Variants in BTBD9 observed in about 807,000 individuals in gnomAD.
BTBD9 encodes the protein BTB domain containing 9.
A neutral mutation model predicts 64.3 loss-of-function variants in BTBD9; 49 were observed. That is an observed-to-expected ratio of 0.76 (90% CI 0.61 to 0.97). The LOEUF is 0.97. Ranked by LOEUF, BTBD9 falls within the 50% of genes least tolerant of loss-of-function variation. The pLI, the probability that BTBD9 is intolerant of heterozygous loss-of-function variation, is 0.00. For synonymous variants in BTBD9, 260 were observed against 274.7 expected (o/e 0.95, Z 0.53); for missense variants, 598 against 762.1 (o/e 0.78, Z 2.53).
intron 1 of BTBD9, among the ~76,000 whole-genome samples, chr6:38,630,257 T>C (rs916160496): frequency 6.6e-6 from 1 of 151,198 alleles, no homozygotes; most frequent in African/African-American, 2.4e-5. Flanking sequence ...ATGCACCACA[T>C]GGCTGGTTTT....
chr6:38,420,500 A>T, intron 6 of BTBD9, among the ~76,000 whole-genome samples: 1 of 152,210 alleles, frequency 6.6e-6, no homozygotes, highest in Non-Finnish European at 1.5e-5. Context: ...AAATAATGGA[A>T]TATCATGCAG....
chr6:38,442,604 T>C (rs1769085060), intron 6 of BTBD9, among the ~76,000 whole-genome samples: 1 of 151,348 alleles, frequency 6.6e-6, no homozygotes, highest in African/African-American at 2.4e-5. Flanking sequence ...TAACAACAGA[T>C]GTCCCTCCTG....
chr6:38,408,685 G>C (rs935206121), intron 6 of BTBD9, among the ~76,000 whole-genome samples: 7 of 152,086 alleles, frequency 4.6e-5, no homozygotes, highest in Non-Finnish European at 8.8e-5. Context: ...TTGCTGTGTA[G>C]AATCAACAAA....
At chr6:38,621,888 C>T (rs1432357682) in intron 1 of BTBD9, among the ~76,000 whole-genome samples, 1 of 152,182 alleles carries the variant, frequency 6.6e-6, no homozygotes, top group Admixed American at 6.5e-5. Flanking sequence ...TATGGAAGGA[C>T]CCTTGGTATG....
At chr6:38,361,494 G>T (rs1224268271) in intron 6 of BTBD9, among the ~76,000 whole-genome samples, 1 of 152,038 alleles carries the variant, frequency 6.6e-6, no homozygotes, top group Non-Finnish European at 1.5e-5. Flanking sequence ...AGAGAGCTGT[G>T]ATCATGCCAC....
intron 1 of BTBD9, among the ~76,000 whole-genome samples, chr6:38,624,413 G>C (rs1781712): frequency 0.67 from 102,138 of 151,934 alleles, 35,015 homozygotes; most frequent in African/African-American, 0.82. Context: ...TAACACTCAC[G>C]GCGAAGGTCC....
chr6:38,299,595 C>T (rs1203727904), intron 7 of BTBD9, among the ~76,000 whole-genome samples: 1 of 152,200 alleles, frequency 6.6e-6, no homozygotes, highest in Admixed American at 6.5e-5. Flanking sequence ...ATTTGCATTT[C>T]TCTGATGGCC....
intron 7 of BTBD9, among the ~76,000 whole-genome samples, chr6:38,317,052 AT>A (rs1292490866): frequency 5.3e-5 from 8 of 151,812 alleles, no homozygotes; most frequent in African/African-American, 1.7e-4. Flanking sequence ...CTGGAGTGCA[AT>A]GGTGTGATCT....
intron 6 of BTBD9, among the ~76,000 whole-genome samples, chr6:38,374,269 GA>G (rs67469757): frequency 0.39 from 18,639 of 47,890 alleles, 4,519 homozygotes; most frequent in East Asian, 0.88. Context: ...GCCTTGTGTC[GA>G]AAAAAAAAAA....
chr6:38,623,644 T>C (rs1296483087), intron 1 of BTBD9, among the ~76,000 whole-genome samples: 9 of 152,196 alleles, frequency 5.9e-5, no homozygotes, highest in South Asian at 2.1e-4. Context: ...AAAAGGCTTC[T>C]GAAATCAGAC....
intron 9 of BTBD9, among the ~76,000 whole-genome samples, chr6:38,195,657 T>G (rs567571995): frequency 9.5e-4 from 144 of 152,298 alleles, no homozygotes; most frequent in African/African-American, 3.3e-3. Context: ...GCATCTAGAA[T>G]GAGGTCCCAA....
At chr6:38,334,033 G>C (rs753953110) in intron 7 of BTBD9, among the ~76,000 whole-genome samples, 1 of 152,198 alleles carries the variant, frequency 6.6e-6, no homozygotes, top group Non-Finnish European at 1.5e-5. Context: ...CTCAGATGCA[G>C]ATGAGGAACT....
intron 10 of BTBD9, among the ~76,000 whole-genome samples, chr6:38,183,640 T>C (rs572273674): frequency 1.5e-4 from 23 of 152,360 alleles, no homozygotes; most frequent in African/African-American, 5.5e-4. Flanking sequence ...GTATAATCCT[T>C]AAATCCAAGT....
At chr6:38,276,503 A>T (rs9462425) in intron 8 of BTBD9, among the ~76,000 whole-genome samples, 107,022 of 151,900 alleles carry the variant, frequency 0.7, 38,393 homozygotes, top group African/African-American at 0.83. Context: ...TATAATAATA[A>T]TAAAATAAAA....
At chr6:38,407,418 AT>A (rs1393672871) in intron 6 of BTBD9, among the ~76,000 whole-genome samples, 13 of 152,064 alleles carry the variant, frequency 8.5e-5, no homozygotes, top group Non-Finnish European at 1.5e-4. Context: ...GCAATGTTAT[AT>A]TTAAGACCAA....
At chr6:38,637,031 C>T (rs1778550574) in intron 1 of BTBD9, among the ~76,000 whole-genome samples, 1 of 152,200 alleles carries the variant, frequency 6.6e-6, no homozygotes, top group Non-Finnish European at 1.5e-5. Context: ...GGAATGCTCT[C>T]TTCCACCTCT....
At chr6:38,518,338 T>TA (rs1773132930) in intron 6 of BTBD9, among the ~76,000 whole-genome samples, 1 of 152,234 alleles carries the variant, frequency 6.6e-6, no homozygotes, top group Non-Finnish European at 1.5e-5. Context: ...TTTACAGGCA[T>TA]AGATCTTGAA....
chr6:38,281,286 G>C (rs993344260), intron 8 of BTBD9, among the ~76,000 whole-genome samples: 2 of 152,152 alleles, frequency 1.3e-5, no homozygotes, highest in African/African-American at 4.8e-5. Flanking sequence ...AGGAGGTCAC[G>C]GTAATTTACA....
intron 6 of BTBD9, among the ~76,000 whole-genome samples, chr6:38,355,210 T>C (rs964196037): frequency 6.6e-6 from 1 of 152,202 alleles, no homozygotes; most frequent in African/African-American, 2.4e-5. Flanking sequence ...TTTGGTGGTC[T>C]ACAGAGACTG....
Sources: allele counts gnomAD v4.1 joint callset (sites outside exome capture counted in the v4.1 genomes callset), GRCh38; gene constraint gnomAD v4.1.1; transcripts MANE v1.5; gene names NCBI Gene and HGNC (gene_info 2026-07-23, HGNC 2026-07-21).